ADAM32: variants seen among roughly 807,000 people sequenced by gnomAD.
ADAM32 encodes the protein disintegrin and metalloproteinase domain-containing protein 32.
A neutral mutation model predicts 114.9 loss-of-function variants in ADAM32; 89 were observed. The observed-to-expected ratio is 0.77, with a 90% CI of 0.65 to 0.92. The LOEUF (loss-of-function observed/expected upper bound fraction) is 0.92. Ranked by LOEUF, ADAM32 falls within the 40% of genes least tolerant of loss-of-function variation. The pLI, the probability that ADAM32 is intolerant of heterozygous loss-of-function variation, is 0.00. For missense variants in ADAM32, 870 were observed against 932.8 expected (o/e 0.93, Z 0.88); for synonymous variants, 285 against 307.5 (o/e 0.93, Z 0.77).
intron 11 of ADAM32, among the ~76,000 whole-genome samples, chr8:39,200,026 G>A (rs1257554089): frequency 6.6e-6 from 1 of 152,172 alleles, no homozygotes; most frequent in Non-Finnish European, 1.5e-5. Flanking sequence ...TATCACTGAT[G>A]GACATTTGGG....
At chr8:39,145,907 T>C (rs1803478317) in intron 3 of ADAM32, among the ~76,000 whole-genome samples, 1 of 151,900 alleles carries the variant, frequency 6.6e-6, no homozygotes, top group African/African-American at 2.4e-5. Context: ...ATTTTGGTAT[T>C]TTTGGTAGAG....
chr8:39,222,620 TTTA>T (rs978322832), intron 13 of ADAM32, among the ~76,000 whole-genome samples: 3 of 152,120 alleles, frequency 2.0e-5, no homozygotes, highest in African/African-American at 7.2e-5. Context: ...TCTGCAGTTT[TTTA>T]TGTTTCACAG....
At chr8:39,151,592 C>T in intron 6 of ADAM32, 44 bp downstream of exon 6, 2 of 1,291,252 alleles carry the variant, frequency 1.5e-6, no homozygotes, top group Non-Finnish European at 2.1e-6. Flanking sequence ...GCAGTTATTA[C>T]TTCCATTTAA....
At chr8:39,250,325 A>C (rs1236122166) in intron 17 of ADAM32, among the ~76,000 whole-genome samples, 1 of 151,628 alleles carries the variant, frequency 6.6e-6, no homozygotes, top group African/African-American at 2.4e-5. Flanking sequence ...CCTCAAGCTC[A>C]GAGATCTTTT....
intron 6 of ADAM32, among the ~76,000 whole-genome samples, chr8:39,153,553 G>A (rs1335043889): frequency 3.3e-5 from 5 of 152,186 alleles, no homozygotes; most frequent in African/African-American, 4.8e-5. Flanking sequence ...TCCCCAGGGT[G>A]GTCCTTAGCC....
chr8:39,254,331 T>A, intron 17 of ADAM32, 83 bp from the exon 18 acceptor site: 1 of 1,170,886 alleles, frequency 8.5e-7, no homozygotes, highest in African/African-American at 1.6e-5. Context: ...TACACTAGAT[T>A]ATGGTACAAA....
chr8:39,283,534 T>C (rs1014969057), intron 23 of ADAM32, 52 bp from the exon 24 acceptor site: 18 of 1,372,888 alleles, frequency 1.3e-5, no homozygotes, highest in Non-Finnish European at 1.8e-5. Flanking sequence ...CAACATAAGT[T>C]TGACAGGTTG....
At position 39,165,201 on chromosome 8, in the gene ADAM32, G is replaced by A. The variant is rs772519088; in HGVS notation, c.833+5G>A. 6.7e-7 allele frequency: 1 copy of A among 1,490,782 alleles called. No homozygotes were observed. Among genetic ancestry groups the A allele is most frequent in the Non-Finnish European group, 9.0e-7 (1 of 1,105,448 alleles). 92.3% of individuals were successfully genotyped at this position (1,490,782 alleles called of 1,614,324 possible). ...TGATATTGCATATCTACTAATGTAA[G>A]AATAATGTTTCATTATTCCTAGAAA... On this transcript the variant is annotated splice_donor_5th_base_variant and intron_variant, in intron 9 of 24. Transcript: ENST00000379907.
chr8:39,140,445 T>C (rs1263796756), intron 3 of ADAM32, among the ~76,000 whole-genome samples: 1 of 152,208 alleles, frequency 6.6e-6, no homozygotes, highest in African/African-American at 2.4e-5. Context: ...GTTTATGTGA[T>C]GGATTACATT....
intron 19 of ADAM32, among the ~76,000 whole-genome samples, chr8:39,262,204 GT>G (rs763295041): frequency 0.029 from 4,138 of 143,154 alleles, 199 homozygotes; most frequent in African/African-American, 0.097. Context: ...TCCGTTATGA[GT>G]TTTTTTTTTT....
chr8:39,118,124 A>C lies in ADAM32; in HGVS notation c.97A>C (p.Lys33Gln). ...NSLLQIVIPE[K>Q]IQTNTNDSSE... ...ACTTCTACAGATCGTAATTCCAGAG[A>C]AAATCCAAACAAATACAAATGACAG... Residue 33 changes from lysine to glutamine, a missense_variant, in exon 2 of 25, where the codon AAA becomes CAA. Lys to Gln is a moderately conservative substitution (Grantham distance 53, BLOSUM62 1). Transcript: ENST00000379907. 1.3e-6 allele frequency: 2 copies of C among 1,496,948 alleles called. No homozygotes were observed. Among genetic ancestry groups the C allele is most frequent in the Non-Finnish European group, 1.8e-6 (2 of 1,121,136 alleles). The allele number at this position is 1,496,948 out of a possible 1,614,324, so 92.7% of individuals were successfully genotyped here. A position where few individuals can be genotyped will look rare whatever the true frequency, so the allele number is the denominator to read the frequency against.
chr8:39,274,236 T>C, intron 20 of ADAM32, 76 bp from the exon 21 acceptor site: 1 of 1,348,816 alleles, frequency 7.4e-7, no homozygotes. Flanking sequence ...AATTATAAAA[T>C]GGCCTGATTT....
intron 10 of ADAM32, among the ~76,000 whole-genome samples, chr8:39,178,511 T>G (rs1197729921): frequency 6.6e-6 from 1 of 152,238 alleles, no homozygotes; most frequent in East Asian, 1.9e-4. Flanking sequence ...TGAAGACTAC[T>G]TCTGTCATTT....
chr8:39,233,931 A>G lies in ADAM32; in HGVS notation c.1667A>G (p.Tyr556Cys). The G allele has an allele frequency of 6.3e-7, 1 of 1,587,570 alleles. No individual in the cohort carries two copies. Among genetic ancestry groups the G allele is most frequent in the Non-Finnish European group, 8.6e-7 (1 of 1,166,174 alleles). Reference sequence around the variant, plus strand: ...ATATGTGGAAGATTAGTTTGTACCTACCCTACTCGAAAGCCTTTCCATCAA... The same window carrying G: ...ATATGTGGAAGATTAGTTTGTACCTGCCCTACTCGAAAGCCTTTCCATCAA... ...NLICGRLVCT[Y>C]PTRKPFHQEN... The change falls in exon 16 of 25, where the codon TAC (tyrosine) becomes TGC (cysteine). Residue 556 changes from tyrosine (Y) to cysteine (C), a missense_variant. Coordinates refer to ENST00000379907, the MANE Select transcript of ADAM32 (RefSeq NM_145004.7).
At chr8:39,206,142 C>T (rs1381917529) in intron 11 of ADAM32, among the ~76,000 whole-genome samples, 1 of 152,160 alleles carries the variant, frequency 6.6e-6, no homozygotes, top group Admixed American at 6.5e-5. Context: ...ATTTCTTTGT[C>T]TGTTAGCAGC....
chr8:39,174,467 AT>A (rs58760134), intron 10 of ADAM32, among the ~76,000 whole-genome samples: 107,297 of 150,606 alleles, frequency 0.71, 38,323 homozygotes, highest in Middle Eastern at 0.79. Flanking sequence ...GTTCCATATG[AT>A]TTTTTTTTTG....
At chr8:39,177,413 GA>G (rs928471820) in intron 10 of ADAM32, among the ~76,000 whole-genome samples, 28 of 152,162 alleles carry the variant, frequency 1.8e-4, no homozygotes, top group African/African-American at 6.8e-4. Context: ...TGGGTATCTT[GA>G]AGGCAGTATA....
chr8:39,265,140 C>T (rs1028656332), intron 19 of ADAM32, among the ~76,000 whole-genome samples: 3 of 152,156 alleles, frequency 2.0e-5, no homozygotes, highest in Non-Finnish European at 2.9e-5. Context: ...AACATCTCTT[C>T]GTAGGTCTCT....
Position 39,165,060 on chromosome 8 carries a change from C to T in ADAM32, c.697C>T (p.Leu233=). The part of the protein sequence containing the change: ...MFTQFKVTIV[L]SSLELWSDEN... The stretch of plus-strand genomic sequence containing the variant: ...CACCCAATTTAAAGTTACTATTGTG[C>T]TGTCATCATTGGAGTTATGGTCAGA... Residue 233 remains leucine, a synonymous_variant, in exon 9 of 25, where the codon CTG becomes TTG. Coordinates refer to ENST00000379907, the MANE Select transcript of ADAM32 (RefSeq NM_145004.7). 2.5e-6 allele frequency: 4 copies of T among 1,607,282 alleles called. No homozygotes were observed. The highest frequency in any genetic ancestry group is 3.4e-6 in the Non-Finnish European group (4 of 1,176,854).
Sources: allele counts gnomAD v4.1 joint callset (sites outside exome capture counted in the v4.1 genomes callset), GRCh38; gene constraint gnomAD v4.1.1; transcripts MANE v1.5; gene names NCBI Gene and HGNC (gene_info 2026-07-23, HGNC 2026-07-21).